Variants in ANTXR2 observed in about 807,000 individuals in gnomAD.
ANTXR2 encodes the protein anthrax toxin receptor 2.
Under a neutral mutation model 73.7 loss-of-function variants are expected in ANTXR2, and 44 were observed. The observed-to-expected ratio is 0.60, with a 90% CI of 0.47 to 0.77. The LOEUF is 0.77. Ranked by LOEUF, ANTXR2 falls within the 30% of genes least tolerant of loss-of-function variation. ANTXR2 has a pLI of 0.00. For missense variants in ANTXR2, 604 were observed against 592.5 expected, an observed-to-expected ratio of 1.02 and a Z score of -0.20; for synonymous variants, 217 against 205.9, an observed-to-expected ratio of 1.05 and a Z score of -0.46.
rs200250276 is a variant in ANTXR2 at position 80,008,502 on chromosome 4, G to C, written c.1041+19C>G. On this transcript the variant is annotated intron_variant, in intron 12 of 16. Coordinates refer to ENST00000403729, the MANE Select transcript of ANTXR2 (RefSeq NM_058172.6). ...TTTCTAATTTTTTTTAAGTAGAGTT[G>C]TAAATCCTTCTTACTCACCACTTTG... 7,571 of 1,573,766 alleles carry C rather than the reference G, an allele frequency of 4.8e-3. 25 individuals are homozygous for C. Among genetic ancestry groups the C allele is most frequent in the Non-Finnish European group, 6.0e-3 (6,855 of 1,150,468 alleles).
intron 16 of ANTXR2, among the ~76,000 whole-genome samples, chr4:79,924,058 G>A (rs1223949367): frequency 1.3e-5 from 2 of 152,102 alleles, no homozygotes; most frequent in Non-Finnish European, 2.9e-5. Flanking sequence ...ATTGCATAAT[G>A]CTGGGGTTTG....
intron 7 of ANTXR2, 69 bp from the exon 8 acceptor site, chr4:80,036,101 G>A (rs949079200): frequency 3.1e-6 from 4 of 1,286,156 alleles, no homozygotes; most frequent in Non-Finnish European, 4.3e-6. Flanking sequence ...TAAATTATAA[G>A]ATTAGTAATA....
chr4:80,037,851 CTGAGA>C (rs1051843863), intron 7 of ANTXR2, among the ~76,000 whole-genome samples: 36 of 152,184 alleles, frequency 2.4e-4, no homozygotes, highest in African/African-American at 7.5e-4. Flanking sequence ...TTTGGCCAAT[CTGAGA>C]TAACAGTGAC....
intron 7 of ANTXR2, among the ~76,000 whole-genome samples, chr4:80,044,751 G>A (rs1485277343): frequency 6.6e-6 from 1 of 151,706 alleles, no homozygotes; most frequent in African/African-American, 2.4e-5. Flanking sequence ...CTGGAAAACA[G>A]AATGCAGTCC....
At chr4:79,959,530 C>A (rs1729066054) in intron 16 of ANTXR2, among the ~76,000 whole-genome samples, 1 of 152,090 alleles carries the variant, frequency 6.6e-6, no homozygotes, top group Non-Finnish European at 1.5e-5. Context: ...TCATGCATAT[C>A]ACAGGGTAAT....
intron 7 of ANTXR2, among the ~76,000 whole-genome samples, chr4:80,045,781 C>G (rs1047692657): frequency 1.3e-5 from 2 of 151,702 alleles, no homozygotes; most frequent in African/African-American, 4.8e-5. Context: ...GTTTCTCATC[C>G]TCTTGTCTTG....
rs1315183028 is a variant in ANTXR2, at chr4:79,977,683, A to G, written c.1366T>C (p.Trp456Arg). 5.7e-6 allele frequency: 9 copies of G among 1,579,342 alleles called. No individual in the cohort carries two copies. Among genetic ancestry groups the G allele is most frequent in the Non-Finnish European group, 7.7e-6 (9 of 1,161,738 alleles). Reference sequence around the variant, plus strand: ...TCATACTGCCGCCTCAACAAAGCCCAGAGAGCATCAAGACGACCCTAAGGG... The same window carrying G: ...TCATACTGCCGCCTCAACAAAGCCCGGAGAGCATCAAGACGACCCTAAGGG... ...TPIKGRLDAL[W>R]ALLRRQYDRV... The change falls in exon 16 of 17, where the codon TGG becomes CGG. Residue 456 changes from tryptophan to arginine, a missense_variant. Coordinates refer to ENST00000403729, the MANE Select transcript of ANTXR2 (RefSeq NM_058172.6).
In ANTXR2 at chr4:79,905,143, G is replaced by A. The variant is rs967757310; in HGVS notation, c.*2286C>T. Reference sequence around the variant, plus strand: ...AAAGTTATTTTTCCATTTAAAGGCAGAGGTTAATTTTCATTGTTCATGCAG... The same window carrying A: ...AAAGTTATTTTTCCATTTAAAGGCAAAGGTTAATTTTCATTGTTCATGCAG... On this transcript the variant is annotated 3_prime_UTR_variant, in exon 17 of 17. Coordinates refer to ENST00000403729, the MANE Select transcript of ANTXR2 (RefSeq NM_058172.6). The A allele has an allele frequency of 6.6e-6, 1 of 152,134 alleles. No individual in the cohort carries two copies. The highest frequency in any genetic ancestry group is 2.4e-5 in the African/African-American group (1 of 41,432). The allele number at this position is 152,134 out of a possible 1,614,324, so 9.4% of individuals were successfully genotyped here.
intron 7 of ANTXR2, among the ~76,000 whole-genome samples, chr4:80,050,271 T>C (rs973374923): frequency 6.6e-6 from 1 of 151,736 alleles, no homozygotes; most frequent in Non-Finnish European, 1.5e-5. Flanking sequence ...GAGGATTTAA[T>C]ACCAGCGCAC....
At chr4:79,997,509 C>CA (rs1347758606) in intron 12 of ANTXR2, among the ~76,000 whole-genome samples, 1 of 151,874 alleles carries the variant, frequency 6.6e-6, no homozygotes, top group Non-Finnish European at 1.5e-5. Flanking sequence ...TTTTGACATA[C>CA]AAAAACACAA....
At chr4:79,934,840 C>CAAA (rs11301737) in intron 16 of ANTXR2, among the ~76,000 whole-genome samples, 44 of 108,054 alleles carry the variant, frequency 4.1e-4, no homozygotes, top group African/African-American at 1.1e-3. Context: ...AGTCAAGTTT[C>CAAA]AAAAAAAAAA....
At position 80,018,108 on chromosome 4, in the gene ANTXR2, G is replaced by A. The variant is rs138174806; in HGVS notation, c.945+790C>T. Among the ~76,000 whole-genome samples the A allele has an allele frequency of 3.0e-4, 46 of 152,234 alleles. 1 individual carries two copies. The highest frequency in any genetic ancestry group is 3.4e-3 in the Middle Eastern group (1 of 294). On this transcript the variant is annotated intron_variant, in intron 11 of 16. Coordinates refer to ENST00000403729, the MANE Select transcript of ANTXR2 (RefSeq NM_058172.6). Reference sequence around the variant, plus strand: ...AATCAAAATATAAAACAATGAAACCGTGAGATGTGAGAAAATGTTTAGGTT... The same window carrying A: ...AATCAAAATATAAAACAATGAAACCATGAGATGTGAGAAAATGTTTAGGTT...
chr4:80,021,097 C>T (rs1396517537), intron 10 of ANTXR2, among the ~76,000 whole-genome samples: 3 of 133,436 alleles, frequency 2.2e-5, no homozygotes, highest in South Asian at 2.4e-4. Flanking sequence ...TGCAGTGAGC[C>T]GAGATCACAC....
intron 3 of ANTXR2, among the ~76,000 whole-genome samples, chr4:80,058,524 CA>C (rs1334259655): frequency 6.6e-6 from 1 of 151,846 alleles, no homozygotes; most frequent in African/African-American, 2.4e-5. Context: ...AAACAAAGGC[CA>C]AAACAAGACA....
intron 16 of ANTXR2, among the ~76,000 whole-genome samples, chr4:79,976,137 C>G (rs935299666): frequency 3.3e-5 from 5 of 151,978 alleles, no homozygotes; most frequent in Non-Finnish European, 5.9e-5. Context: ...TGGTCTCGAT[C>G]TCCTGACCTC....
chr4:80,064,313 A>G (rs911754208), intron 3 of ANTXR2, among the ~76,000 whole-genome samples: 1 of 152,222 alleles, frequency 6.6e-6, no homozygotes, highest in African/African-American at 2.4e-5. Flanking sequence ...TAAGAAAAAT[A>G]GCAAATATAA....
rs143944752 is a variant in ANTXR2 at position 80,043,726 on chromosome 4, C to T, written c.637-7694G>A. On this transcript the variant is annotated intron_variant, in intron 7 of 16. Coordinates refer to ENST00000403729, the MANE Select transcript of ANTXR2 (RefSeq NM_058172.6). ...TTTTCAGTTAGCAGCAAGTCCAGAT[C>T]CAGCCGTAAGAGTCAGCTGTGACTG... is the stretch of plus-strand genomic sequence containing the variant. Among the ~76,000 whole-genome samples, 38 of 152,074 alleles carry T rather than the reference C, an allele frequency of 2.5e-4. No individual in the cohort carries two copies. The East Asian group carries it at 5.8e-3, about 23-fold the overall frequency.
At chr4:79,915,823 TCTCTCC>T (rs1198051076) in intron 16 of ANTXR2, among the ~76,000 whole-genome samples, 23 of 115,052 alleles carry the variant, frequency 2.0e-4, no homozygotes, top group Admixed American at 3.0e-4. Flanking sequence ...TGTCTCTGTC[TCTCTCC>T]CTCTCTCTCT....
intron 1 of ANTXR2, 23 bp from the exon 2 acceptor site, chr4:80,071,677 T>C: frequency 6.4e-7 from 1 of 1,573,810 alleles, no homozygotes; most frequent in Non-Finnish European, 8.7e-7. Flanking sequence ...ATTGAACTGA[T>C]CAGAGAAACA....
Sources: allele counts gnomAD v4.1 joint callset (sites outside exome capture counted in the v4.1 genomes callset), GRCh38; gene constraint gnomAD v4.1.1; transcripts MANE v1.5; gene names NCBI Gene and HGNC (gene_info 2026-07-23, HGNC 2026-07-21).